Variants in KMT2D observed in about 807,000 individuals in gnomAD.
KMT2D encodes the protein lysine methyltransferase 2D, also known as histone-lysine N-methyltransferase 2D.
KMT2D carries 55 observed loss-of-function variants against 512.7 expected under a neutral mutation model. That is an observed-to-expected ratio of 0.11 (90% CI 0.09 to 0.13). KMT2D has a LOEUF of 0.13. KMT2D is among the 10% of genes least tolerant of loss of function. The pLI is 1.00. For synonymous variants in KMT2D, 2,995 were observed against 2,904.0 expected (o/e 1.03, Z -1.01); for missense variants, 6,061 against 7,127.9 (o/e 0.85, Z 5.39).
At position 49,019,125 on chromosome 12, in the gene KMT2D, G is replaced by A; in HGVS notation, c.*2655C>T. 1 of 1,153,112 alleles carries A rather than the reference G, an allele frequency of 8.7e-7. No individual in the cohort carries two copies. Among genetic ancestry groups the A allele is most frequent in the Non-Finnish European group, 1.1e-6 (1 of 933,060 alleles). The allele number at this position is 1,153,112 out of a possible 1,614,324, so 71.4% of individuals were successfully genotyped here. A position where few individuals can be genotyped will look rare whatever the true frequency, so the allele number is the denominator to read the frequency against. The stretch of plus-strand genomic sequence containing the variant: ...AACATGCCAAGGACAGGGGCGCTGA[G>A]GGTGGAGGGAGAGAGGGCGCTTTAA... On this transcript the variant is annotated 3_prime_UTR_variant, in exon 55 of 55. Transcript: ENST00000301067.
Position 49,050,586 on chromosome 12 carries a change from A to C in KMT2D, c.3002T>G (p.Leu1001Arg). 1 of 1,604,842 alleles carries C rather than the reference A, an allele frequency of 6.2e-7. No homozygotes were observed. Among genetic ancestry groups the C allele is most frequent in the Non-Finnish European group, 8.5e-7 (1 of 1,173,236 alleles). ...CACTGGGGAGCCTGGAGATGGGGGA[A>C]GGATCATAGGGGGGACAGGCTCAGG... ...TDPEPVPPMI[L>R]PPSPGSPVGP... is the part of the protein sequence containing the mutation. Residue 1001 changes from leucine to arginine, a missense_variant, in exon 12 of 55, where the codon CTT becomes CGT. Around this residue, in one of 16 missense-constraint regions of KMT2D, gnomAD observed 447 missense variants for 500.1 expected, o/e 0.89. Transcript: ENST00000301067.
chr12:49,041,501 A>C lies in KMT2D; in HGVS notation c.6269T>G (p.Val2090Gly), dbSNP rs2120547930. ...AESQINKQTK[V>G]GDIARKTDRP... ...GTCAGTCTTACGGGCTATGTCGCCC[A>C]CCTTGGTCTGCTTGTTGATCTGGCT... Residue 2090 changes from valine (V) to glycine (G), a missense_variant, in exon 32 of 55, where the codon GTG becomes GGG. By Grantham distance (109) the Val-to-Gly change is moderately radical. Around this residue, in one of 16 missense-constraint regions of KMT2D, gnomAD observed 640 missense variants for 814.3 expected, o/e 0.79. Coordinates refer to ENST00000301067, the MANE Select transcript of KMT2D (RefSeq NM_003482.4). The surrounding 1 kb of genome is among the most constrained non-coding windows in gnomAD (Gnocchi z 5.4). The C allele has an allele frequency of 1.9e-6, 3 of 1,613,550 alleles. 1 individual carries two copies. In the East Asian group the frequency reaches 6.7e-5, roughly 36 times the overall value.
chr12:49,048,901 C>G (rs1180637353), intron 13 of KMT2D, 132 bp from the exon 14 acceptor site: 2 of 709,660 alleles, frequency 2.8e-6, no homozygotes, highest in East Asian at 5.0e-5. Context: ...GAATAACAGA[C>G]AGAACACCCC....
rs2120508206 is a variant in KMT2D at position 49,039,033 on chromosome 12, A to C, written c.8367-44T>G. 1 of 1,546,732 alleles carries C rather than the reference A, an allele frequency of 6.5e-7. No individual in the cohort carries two copies. ...GTCAGTAGGATGAAATCAGATGAAA[A>C]GGAGCAAGAACATGGGCTTAGGGCA... On this transcript the variant is annotated intron_variant, in intron 34 of 54. Coordinates refer to ENST00000301067, the MANE Select transcript of KMT2D (RefSeq NM_003482.4). The surrounding 1 kb of genome is among the most constrained non-coding windows in gnomAD (Gnocchi z 5.0).
rs894562087 is a variant in KMT2D at position 49,053,494 on chromosome 12, T to G, written c.821A>C (p.Lys274Thr). The change falls in exon 7 of 55, where the codon AAA (lysine) becomes ACA (threonine). Residue 274 changes from lysine to threonine, a missense_variant. Physicochemically the swap from Lys to Thr is moderately conservative, Grantham distance 78. Coordinates refer to ENST00000301067, the MANE Select transcript of KMT2D (RefSeq NM_003482.4). ...TTCCTACCTGCAGGCTTGGCACACT[T>G]TGCATTCAGGGCACTGCCAGCCAGC... ...KRAGWQCPECKVCQACRKPGN... is the reference protein window; with the variant it reads ...KRAGWQCPECTVCQACRKPGN... 6.2e-7 allele frequency: 1 copy of G among 1,610,666 alleles called. No homozygotes were observed. Among genetic ancestry groups the G allele is most frequent in the Non-Finnish European group, 8.5e-7 (1 of 1,178,342 alleles).
In KMT2D at chr12:49,051,959, G is replaced by A. The variant is rs765921202; in HGVS notation, c.1724C>T (p.Pro575Leu). The A allele has an allele frequency of 6.2e-7, 1 of 1,613,696 alleles. No individual in the cohort carries two copies. The highest frequency in any genetic ancestry group is 2.2e-5 in the East Asian group (1 of 44,868). Residue 575 changes from proline (P) to leucine (L), a missense_variant, in exon 11 of 55, where the codon CCA becomes CTA. By Grantham distance (98) the Pro-to-Leu change is moderately conservative. Around this residue, in one of 16 missense-constraint regions of KMT2D, gnomAD observed 848 missense variants for 838.5 expected, o/e 1.01. Coordinates refer to ENST00000301067, the MANE Select transcript of KMT2D (RefSeq NM_003482.4). ...PPPEASRLSP[P>L]PEESPMSPPP... Reference sequence around the variant, plus strand: ...AGGGGACATGGGTGACTCCTCAGGTGGTGGAGACAGGCGAGATGCTTCAGG... The same window carrying A: ...AGGGGACATGGGTGACTCCTCAGGTAGTGGAGACAGGCGAGATGCTTCAGG...
Position 49,028,886 on chromosome 12 carries a change from T to C in KMT2D, c.14324A>G (p.Glu4775Gly), listed in dbSNP as rs1942745013. 6.2e-7 allele frequency: 1 copy of C among 1,613,888 alleles called. No homozygotes were observed. The highest frequency in any genetic ancestry group is 8.5e-7 in the Non-Finnish European group (1 of 1,179,900). ...VPGKLPVTTW[E>G]KGKGSEVSVM... ...TGACACCTCACTTCCTTTGCCCTTT[T>C]CCCAAGTTGTGACAGGCAGCTTTCC... The change falls in exon 46 of 55, where the codon GAA (glutamate) becomes GGA (glycine). Residue 4775 changes from glutamate (E) to glycine (G), a missense_variant. By Grantham distance (98) the Glu-to-Gly change is moderately conservative (BLOSUM62 -2). This residue lies in a region of KMT2D where 1,600 missense variants were observed against 1,754.9 expected (regional missense o/e 0.91). Coordinates refer to ENST00000301067, the MANE Select transcript of KMT2D (RefSeq NM_003482.4).
rs772901550 is a variant in KMT2D, at chr12:49,051,479, C to A, written c.2204G>T (p.Cys735Phe). 27 of 1,612,740 alleles carry A rather than the reference C, an allele frequency of 1.7e-5. No individual in the cohort carries two copies. In the Admixed American group the frequency reaches 4.5e-4, roughly 27 times the overall value. ...LLPLPEEPQL[C>F]PRSEGPHLSP... is the part of the protein sequence containing the mutation. ...CAGGTGCGGCCCCTCGGACCGGGGG[C>A]AGAGTTGCGGCTCCTCAGGTAGTGG... The change falls in exon 11 of 55, where the codon TGC becomes TTC. Residue 735 changes from cysteine to phenylalanine, a missense_variant. By Grantham distance (205) the Cys-to-Phe change is radical. Transcript: ENST00000301067.
rs1013479368 is a variant in KMT2D, at chr12:49,042,969, G to C, written c.5645-91C>G. The C allele has an allele frequency of 1.3e-6, 2 of 1,576,696 alleles. No individual in the cohort carries two copies. Among genetic ancestry groups the C allele is most frequent in the Admixed American group, 3.4e-5 (2 of 58,518 alleles). On this transcript the variant is annotated intron_variant, in intron 26 of 54. Transcript: ENST00000301067. The surrounding 1 kb of genome is among the most constrained non-coding windows in gnomAD (Gnocchi z 4.4). ...AATGATCATGGCCAGGAACAGTCCAGGACTCCCCACCAGAGAAGCTGTACA... is the reference window on the plus strand; with the variant it reads ...AATGATCATGGCCAGGAACAGTCCACGACTCCCCACCAGAGAAGCTGTACA...
chr12:49,048,077 AAC>A lies in KMT2D; in HGVS notation c.4132-10_4132-9del. 6.4e-7 allele frequency: 1 copy of A among 1,574,360 alleles called. No homozygotes were observed. Among genetic ancestry groups the A allele is most frequent in the Non-Finnish European group, 8.7e-7 (1 of 1,145,862 alleles). Reference sequence around the variant, plus strand: ...ACATACCACACACATGTCCTGGGGAAACACAGAGAAACCCAAATGTCCAACTA... The same window carrying A: ...ACATACCACACACATGTCCTGGGGAAACAGAGAAACCCAAATGTCCAACTA... On this transcript the variant is annotated splice_polypyrimidine_tract_variant and intron_variant, in intron 14 of 54. Coordinates refer to ENST00000301067, the MANE Select transcript of KMT2D (RefSeq NM_003482.4).
Position 49,030,619 on chromosome 12 carries a change from ATAG to A in KMT2D, c.13818_13820del (p.Tyr4607del). Reference sequence around the variant, plus strand: ...TTCTGACCTTGGTAAGCAGCTGGGAATAGTAGTCAGGGCCAGTGGGCAGCGCCC... The same window carrying A: ...TTCTGACCTTGGTAAGCAGCTGGGAATAGTCAGGGCCAGTGGGCAGCGCCC... On this transcript the variant is annotated inframe_deletion, in exon 42 of 55. Coordinates refer to ENST00000301067, the MANE Select transcript of KMT2D (RefSeq NM_003482.4). 6.3e-7 allele frequency: 1 copy of A among 1,585,466 alleles called. No homozygotes were observed. The highest frequency in any genetic ancestry group is 1.7e-4 in the Middle Eastern group (1 of 5,876).
rs771755912 is a variant in KMT2D, at chr12:49,038,417, G to A, written c.8939C>T (p.Ala2980Val). 4 of 1,613,594 alleles carry A rather than the reference G, an allele frequency of 2.5e-6. No homozygotes were observed. Among genetic ancestry groups the A allele is most frequent in the East Asian group, 4.5e-5 (2 of 44,874 alleles). The change falls in exon 35 of 55, where the codon GCC (alanine) becomes GTC (valine). Residue 2980 changes from alanine (A) to valine (V), a missense_variant. Ala to Val is a moderately conservative substitution (Grantham distance 64). This residue lies in a region of KMT2D where 527 missense variants were observed against 578.9 expected (regional missense o/e 0.91). Transcript: ENST00000301067. This position sits in a 1 kb window ranked among gnomAD's most constrained non-coding sequence, Gnocchi z 5.7. ...ACAGGGCAACTTCCCAGCTTCCAGG[G>A]CCAGAGGATTGGGGCGGCCAAGCTC... ...STELGRPNPL[A>V]LEAGKLPCED...
chr12:49,036,528 G>A (rs933511957), intron 35 of KMT2D, among the ~76,000 whole-genome samples: 3 of 112,320 alleles, frequency 2.7e-5, no homozygotes, highest in African/African-American at 6.9e-5. Flanking sequence ...CGCTCTTGTT[G>A]CCCAGGCTGG....
In KMT2D at chr12:49,044,749, C is replaced by A. The variant is rs2120587147; in HGVS notation, c.4958G>T (p.Gly1653Val). ...CTAAGATTCCCCAAGCTAACCTTCACCCTTGAGCAGCTCATCGGTGTCCAG... is the reference window on the plus strand; with the variant it reads ...CTAAGATTCCCCAAGCTAACCTTCAACCTTGAGCAGCTCATCGGTGTCCAG... ...GDLDTDELLK[G>V]EGGVEHMECE... is the part of the protein sequence containing the mutation. The change falls in exon 20 of 55, where the codon GGT (glycine) becomes GTT (valine). Residue 1653 changes from glycine (G) to valine (V), a missense_variant. Gly to Val is a moderately radical substitution (Grantham distance 109, BLOSUM62 -3). This residue lies in a region of KMT2D where 640 missense variants were observed against 814.3 expected (regional missense o/e 0.79). Coordinates refer to ENST00000301067, the MANE Select transcript of KMT2D (RefSeq NM_003482.4). This position sits in a 1 kb window ranked among gnomAD's most constrained non-coding sequence, Gnocchi z 6.4. 5.0e-6 allele frequency: 8 copies of A among 1,613,326 alleles called. No homozygotes were observed. The highest frequency in any genetic ancestry group is 1.1e-5 in the South Asian group (1 of 91,068).
chr12:49,043,411 T>C lies in KMT2D; in HGVS notation c.5485A>G (p.Ile1829Val), dbSNP rs774121966. 1 of 1,613,940 alleles carries C rather than the reference T, an allele frequency of 6.2e-7. No homozygotes were observed. The highest frequency in any genetic ancestry group is 1.7e-5 in the Admixed American group (1 of 60,020). Residue 1829 changes from isoleucine to valine, a missense_variant, in exon 25 of 55, where the codon ATT becomes GTT. This residue lies in a region of KMT2D where 640 missense variants were observed against 814.3 expected (regional missense o/e 0.79). Transcript: ENST00000301067. ...TSQKGDDGPD[I>V]ADEESRGLEG... The stretch of plus-strand genomic sequence containing the variant: ...AGGCCACGGGATTCTTCATCTGCAA[T>C]ATCTGGACCATCATCTCCTATGAGC...
In KMT2D at chr12:49,060,511, G is replaced by C. The variant is rs1024872229; in HGVS notation, c.-936C>G. Among the ~76,000 whole-genome samples the C allele has an allele frequency of 2.0e-5, 3 of 152,362 alleles. No homozygotes were observed. Among genetic ancestry groups the C allele is most frequent in the South Asian group, 2.1e-4 (1 of 4,834 alleles). On this transcript the variant is annotated 5_prime_UTR_variant, in exon 1 of 55. Coordinates refer to ENST00000301067, the MANE Select transcript of KMT2D (RefSeq NM_003482.4). ...CAACCCCGGCTCCCGGCACCGGGGG[G>C]TCAGGAAACTGAGCGGAAAGTGGGG... is the stretch of plus-strand genomic sequence containing the variant.
In KMT2D at chr12:49,028,097, C is replaced by T; in HGVS notation, c.14427G>A (p.Met4809Ile). ...VMVAVAELLS[M>I]KIPNSYEVLF... ...GCACCTCATAGGAGTTGGGGATCTT[C>T]ATGCTCAGCAGCTCCGCCACTGCCA... The change falls in exon 47 of 55, where the codon ATG becomes ATA. Residue 4809 changes from methionine to isoleucine, a missense_variant. Met to Ile is a conservative substitution (Grantham distance 10). This residue lies in a region of KMT2D where 1,600 missense variants were observed against 1,754.9 expected (regional missense o/e 0.91). Transcript: ENST00000301067. 1 of 1,614,020 alleles carries T rather than the reference C, an allele frequency of 6.2e-7. No homozygotes were observed.
chr12:49,058,294 T>C (rs1009014580), intron 1 of KMT2D, among the ~76,000 whole-genome samples: 1 of 152,196 alleles, frequency 6.6e-6, no homozygotes, highest in Admixed American at 6.5e-5. Context: ...GGACTCTCCA[T>C]AGAATGCCGG....
chr12:49,054,757 G>A lies in KMT2D; in HGVS notation c.177-6C>T. On this transcript the variant is annotated splice_region_variant and splice_polypyrimidine_tract_variant and intron_variant, in intron 3 of 54. Coordinates refer to ENST00000301067, the MANE Select transcript of KMT2D (RefSeq NM_003482.4). This position sits in a 1 kb window ranked among gnomAD's most constrained non-coding sequence, Gnocchi z 6.4. ...AACGCCGCACCGGACCCCCACTGTG[G>A]ACACACAAGCATCAGTACCACGCCA... 1.9e-6 allele frequency: 3 copies of A among 1,613,766 alleles called. No individual in the cohort carries two copies. Among genetic ancestry groups the A allele is most frequent in the Middle Eastern group, 1.6e-4 (1 of 6,062 alleles).
Sources: gnomAD v4.1 joint callset for allele counts (sites outside exome capture counted in the v4.1 genomes callset) on GRCh38, gnomAD v4.1.1 for gene constraint, gnomAD v4.1.1 regional missense constraint, Gnocchi (gnomAD v3.1) non-coding constraint, MANE v1.5 for transcripts, NCBI Gene and HGNC (gene_info 2026-07-23, HGNC 2026-07-21) for gene names.